The following MAPK8IP2 variants were observed in gnomAD, a reference collection of about 807,000 sequenced individuals.
MAPK8IP2 encodes mitogen-activated protein kinase 8 interacting protein 2.
Under a neutral mutation model 75.6 loss-of-function variants are expected in MAPK8IP2, and 15 were observed. The ratio of observed to expected loss-of-function variants is 0.20; its 90% CI spans 0.13 to 0.31. The LOEUF is 0.31. Among genes scored for constraint, MAPK8IP2 ranks in the 10% least tolerant of loss-of-function variants. The pLI is 1.00. For missense variants in MAPK8IP2, 1,089 were observed against 1,211.2 expected (o/e 0.90, Z 1.50); for synonymous variants, 632 against 554.5 (o/e 1.14, Z -1.96).
rs1205146382 is a variant in MAPK8IP2 at position 50,610,740 on chromosome 22, G to A, written c.2436G>A (p.Leu812=). Reference sequence around the variant, plus strand: ...TCCTGGAGTACTACCAAGAGCACCTGGCGTACGCCTGCCCCACGGAGGACA... The same window carrying A: ...TCCTGGAGTACTACCAAGAGCACCTAGCGTACGCCTGCCCCACGGAGGACA... ...RAFLEYYQEH[L]AYACPTEDIY... is the part of the protein sequence containing the mutation. The change falls in exon 12 of 12, where the codon CTG becomes CTA. Residue 812 remains leucine (L), a synonymous_variant. Coordinates refer to ENST00000329492, the MANE Select transcript of MAPK8IP2 (RefSeq NM_012324.6). The surrounding 1 kb of genome is among the most constrained non-coding windows in gnomAD (Gnocchi z 4.3). 6.2e-7 allele frequency: 1 copy of A among 1,611,132 alleles called. No individual in the cohort carries two copies. The highest frequency in any genetic ancestry group is 1.1e-5 in the South Asian group (1 of 90,566).
chr22:50,600,824 G>A lies in MAPK8IP2; in HGVS notation c.6G>A (p.Ala2=). The A allele has an allele frequency of 1.5e-6, 2 of 1,293,432 alleles. No homozygotes were observed. Among genetic ancestry groups the A allele is most frequent in the Non-Finnish European group, 2.0e-6 (2 of 994,368 alleles). 80.1% of individuals were successfully genotyped at this position (1,293,432 alleles called of 1,614,324 possible). Reference sequence around the variant, plus strand: ...GCGGGCCTCTCCCGGAGAAGATGGCGGATCGCGCGGAGATGTTTTCTCTCT... The same window carrying A: ...GCGGGCCTCTCCCGGAGAAGATGGCAGATCGCGCGGAGATGTTTTCTCTCT... M[A]DRAEMFSLST... is the part of the protein sequence containing the mutation. The change falls in exon 1 of 12, where the codon GCG becomes GCA. Residue 2 remains alanine (A), a synonymous_variant. Coordinates refer to ENST00000329492, the MANE Select transcript of MAPK8IP2 (RefSeq NM_012324.6).
At chr22:50,601,576 G>T (rs1390180385) in intron 1 of MAPK8IP2, 12 of 535,068 alleles carry the variant, frequency 2.2e-5, no homozygotes, top group Non-Finnish European at 3.4e-5. Flanking sequence ...GGCAGGGTTG[G>T]CTCCTCCGGG....
chr22:50,605,356 C>T lies in MAPK8IP2; in HGVS notation c.1766-12C>T, dbSNP rs774162319. 5.3e-5 allele frequency: 86 copies of T among 1,612,406 alleles called. No individual in the cohort carries two copies. Among genetic ancestry groups the T allele is most frequent in the Non-Finnish European group, 7.1e-5 (84 of 1,179,452 alleles). On this transcript the variant is annotated splice_polypyrimidine_tract_variant and intron_variant, in intron 5 of 11. Coordinates refer to ENST00000329492, the MANE Select transcript of MAPK8IP2 (RefSeq NM_012324.6). ...CCTGTCTCCCCCGCCTCTGTCCTGC[C>T]GGGTCTCCCAGGCACCGAGTCCTTT...
chr22:50,609,934 C>A (rs1295630021), intron 10 of MAPK8IP2: 1 of 626,098 alleles, frequency 1.6e-6, no homozygotes, highest in African/African-American at 1.8e-5. Context: ...AATAGGGCCA[C>A]AGAGGGTAGC....
In MAPK8IP2 at chr22:50,604,879, G is replaced by T. The variant is rs1235448432; in HGVS notation, c.1580G>T (p.Arg527Leu). 1 of 1,606,388 alleles carries T rather than the reference G, an allele frequency of 6.2e-7. No individual in the cohort carries two copies. Among genetic ancestry groups the T allele is most frequent in the East Asian group, 2.2e-5 (1 of 44,636 alleles). Residue 527 changes from arginine to leucine, a missense_variant, in exon 5 of 12, where the codon CGG becomes CTG. Arg to Leu is a moderately radical substitution (Grantham distance 102, BLOSUM62 -2). Coordinates refer to ENST00000329492, the MANE Select transcript of MAPK8IP2 (RefSeq NM_012324.6). ...EHTQLELVSLRRCAGLGHDSE... is the reference protein window; with the variant it reads ...EHTQLELVSLLRCAGLGHDSE... ...ACGCAGCTGGAGCTGGTGAGCCTGC[G>T]GCGCTGTGCTGGGCTGGGCCACGAC...
chr22:50,604,881 C>T lies in MAPK8IP2; in HGVS notation c.1582C>T (p.Arg528Cys), dbSNP rs755469608. ...GCAGCTGGAGCTGGTGAGCCTGCGGCGCTGTGCTGGGCTGGGCCACGACAG... is the reference window on the plus strand; with the variant it reads ...GCAGCTGGAGCTGGTGAGCCTGCGGTGCTGTGCTGGGCTGGGCCACGACAG... ...HTQLELVSLR[R>C]CAGLGHDSEE... The change falls in exon 5 of 12, where the codon CGC becomes TGC. Residue 528 changes from arginine to cysteine, a missense_variant. Transcript: ENST00000329492. 13 of 1,606,604 alleles carry T rather than the reference C, an allele frequency of 8.1e-6. No individual in the cohort carries two copies. Among genetic ancestry groups the T allele is most frequent in the African/African-American group, 5.3e-5 (4 of 74,818 alleles).
intron 2 of MAPK8IP2, 66 bp downstream of exon 2, chr22:50,601,960 TCAC>T: frequency 7.3e-7 from 1 of 1,361,394 alleles, no homozygotes; most frequent in Non-Finnish European, 1.1e-6. Flanking sequence ...TTCTTAGCGT[TCAC>T]TTGGGGTTTT....
In MAPK8IP2 at chr22:50,604,027, G is replaced by C; in HGVS notation, c.728G>C (p.Arg243Pro). The C allele has an allele frequency of 6.4e-7, 1 of 1,551,024 alleles. No homozygotes were observed. Among genetic ancestry groups the C allele is most frequent in the South Asian group, 1.2e-5 (1 of 84,740 alleles). Residue 243 changes from arginine (R) to proline (P), a missense_variant, in exon 5 of 12, where the codon CGT becomes CCT. Physicochemically the swap from Arg to Pro is moderately radical, Grantham distance 103 (BLOSUM62 -2). Coordinates refer to ENST00000329492, the MANE Select transcript of MAPK8IP2 (RefSeq NM_012324.6). ...CGCTCGAGCGGCGGCCGCGGGGGAC[G>C]TCGCAGCAGCCAGGAGCTGTCCTCG... is the stretch of plus-strand genomic sequence containing the variant. Reference protein sequence around the residue: ...RSRSSGGRGGRRSSQELSSPG... With the variant: ...RSRSSGGRGGPRSSQELSSPG...
At chr22:50,601,746 G>A (rs1450982718) in intron 1 of MAPK8IP2, 43 bp from the exon 2 acceptor site, 4 of 1,503,750 alleles carry the variant, frequency 2.7e-6, no homozygotes, top group Non-Finnish European at 3.7e-6. Flanking sequence ...GCCAGGCAGG[G>A]AGTCCAGGGT....
chr22:50,601,388 G>A (rs1373496484), intron 1 of MAPK8IP2: 2 of 197,906 alleles, frequency 1.0e-5, no homozygotes, highest in Non-Finnish European at 2.1e-5. Context: ...CCGGAGAGGG[G>A]GAGACAAACA....
At chr22:50,600,957 AC>A (rs1020361156) in intron 1 of MAPK8IP2, 74 bp downstream of exon 1, 8 of 415,132 alleles carry the variant, frequency 1.9e-5, no homozygotes, top group Non-Finnish European at 2.4e-5. Flanking sequence ...CCCGGCCCGG[AC>A]CCCCGTCCCC....
chr22:50,608,454 A>G (rs2071087662), intron 10 of MAPK8IP2, among the ~76,000 whole-genome samples: 1 of 116,174 alleles, frequency 8.6e-6, no homozygotes, highest in Non-Finnish European at 1.8e-5. Flanking sequence ...GGCGCAGACC[A>G]GACAGCAGGG....
In MAPK8IP2 at chr22:50,606,774, G is replaced by A. The variant is rs376084734; in HGVS notation, c.2232+9G>A. On this transcript the variant is annotated intron_variant, in intron 9 of 11. Transcript: ENST00000329492. ...GCGGAGGAGGGCCCGAGGTGGGAGT[G>A]TGGGGGACTGGGGACCGGGGACTGG... The A allele has an allele frequency of 1.3e-3, 2,043 of 1,575,034 alleles. 1 individual carries two copies. Among genetic ancestry groups the A allele is most frequent in the Non-Finnish European group, 1.7e-3 (1,923 of 1,160,208 alleles).
chr22:50,606,086 G>T (rs2071044780), intron 8 of MAPK8IP2, among the ~76,000 whole-genome samples, 152 bp downstream of exon 8: 1 of 152,196 alleles, frequency 6.6e-6, no homozygotes, highest in South Asian at 2.1e-4. Flanking sequence ...GCTCGGGGTG[G>T]GTACCCCAGG....
chr22:50,608,213 A>G (rs2071081632), intron 10 of MAPK8IP2, among the ~76,000 whole-genome samples: 1 of 152,176 alleles, frequency 6.6e-6, no homozygotes, highest in Non-Finnish European at 1.5e-5. Flanking sequence ...GAGTGCAGAG[A>G]TGGTCTGATG....
rs1321410005 is a variant in MAPK8IP2, at chr22:50,607,614, A to T, written c.2303+623A>T. 1.3e-5 allele frequency among the ~76,000 whole-genome samples: 2 copies of T among 152,112 alleles called. No individual in the cohort carries two copies. Among genetic ancestry groups the T allele is most frequent in the African/African-American group, 2.4e-5 (1 of 41,410 alleles). On this transcript the variant is annotated intron_variant, in intron 10 of 11. Transcript: ENST00000329492. This position sits in a 1 kb window ranked among gnomAD's most constrained non-coding sequence, Gnocchi z 5.6. ...GCAAGAGGCACTGAAGAGGCAGTAC[A>T]GGCAGGACCTAGGTTGACCGGCTGT... is the stretch of plus-strand genomic sequence containing the variant.
At chr22:50,603,817 T>TGC in intron 4 of MAPK8IP2, 24 bp from the exon 5 acceptor site, 7 of 1,522,162 alleles carry the variant, frequency 4.6e-6, no homozygotes, top group Non-Finnish European at 4.4e-6. Flanking sequence ...GCAGAGAGGG[T>TGC]GACCCCACCT....
Position 50,604,728 on chromosome 22 carries a change from G to C in MAPK8IP2, c.1429G>C (p.Glu477Gln), listed in dbSNP as rs2071013882. Residue 477 changes from glutamate to glutamine, a missense_variant, in exon 5 of 12, where the codon GAG becomes CAG. Glu to Gln is a conservative substitution (Grantham distance 29). This residue lies in a region of MAPK8IP2 where 960 missense variants were observed against 1,009.6 expected (regional missense o/e 0.95). Transcript: ENST00000329492. The stretch of plus-strand genomic sequence containing the variant: ...CGAGGAGGAGGACGAAGAGGACGAC[G>C]AGGAAGAGGAGGATGCCGAGGACAG... The part of the protein sequence containing the change: ...CSEEEDEEDD[E>Q]EEEDAEDSAG... 1.3e-6 allele frequency: 2 copies of C among 1,535,866 alleles called. No homozygotes were observed. The highest frequency in any genetic ancestry group is 4.9e-5 in the East Asian group (2 of 40,600).
At chr22:50,609,731 C>G (rs770292973) in intron 10 of MAPK8IP2, 2 of 513,230 alleles carry the variant, frequency 3.9e-6, no homozygotes, top group African/African-American at 1.9e-5. Context: ...CCGCAAGGAG[C>G]TGCTTTCCAG....
Sources: allele counts gnomAD v4.1 joint callset (sites outside exome capture counted in the v4.1 genomes callset), GRCh38; gene constraint gnomAD v4.1.1; regional missense constraint gnomAD v4.1.1; non-coding constraint Gnocchi (gnomAD v3.1); transcripts MANE v1.5; gene names NCBI Gene and HGNC (gene_info 2026-07-23, HGNC 2026-07-21).